Variants in KIAA0825 observed in about 807,000 individuals in gnomAD.
KIAA0825 encodes the protein uncharacterized protein KIAA0825.
In KIAA0825, 119 loss-of-function variants were observed where a neutral mutation model predicts 147.6. That is an observed-to-expected ratio of 0.81 (90% confidence interval 0.69 to 0.94). The LOEUF is 0.94. Among genes scored for constraint, KIAA0825 ranks in the 40% least tolerant of loss-of-function variants. The pLI is 0.00. For missense variants in KIAA0825, 1,381 were observed against 1,472.7 expected, an observed-to-expected ratio of 0.94 and a Z score of 1.02; for synonymous variants, 470 against 518.1, an observed-to-expected ratio of 0.91 and a Z score of 1.26.
intron 1 of KIAA0825, among the ~76,000 whole-genome samples, chr5:94,603,435 T>C (rs554337790): frequency 6.6e-5 from 10 of 151,958 alleles, no homozygotes; most frequent in Non-Finnish European, 1.5e-4. Context: ...GCACTAAATG[T>C]AAAAAGGAAA....
chr5:94,523,377 T>C (rs1266033340), intron 4 of KIAA0825, among the ~76,000 whole-genome samples: 1 of 151,632 alleles, frequency 6.6e-6, no homozygotes, highest in Non-Finnish European at 1.5e-5. Context: ...TTCTCTAGCA[T>C]AGATGGTGGT....
At chr5:94,342,776 C>A (rs1782556678) in intron 20 of KIAA0825, among the ~76,000 whole-genome samples, 1 of 151,552 alleles carries the variant, frequency 6.6e-6, no homozygotes, top group Non-Finnish European at 1.5e-5. Context: ...TTAACCAAGG[C>A]AATAAAGTAA....
intron 20 of KIAA0825, among the ~76,000 whole-genome samples, chr5:94,382,428 T>C (rs1584324156): frequency 6.6e-6 from 1 of 152,188 alleles, no homozygotes; most frequent in Non-Finnish European, 1.5e-5. Flanking sequence ...ACAAAACTCA[T>C]AAATAACCTT....
chr5:94,441,173 A>G (rs1053465074), intron 13 of KIAA0825, among the ~76,000 whole-genome samples: 1 of 148,416 alleles, frequency 6.7e-6, no homozygotes, highest in African/African-American at 2.5e-5. Context: ...GTCTAGACCA[A>G]TGGTTTTCAA....
chr5:94,616,031 G>A (rs920675227), intron 1 of KIAA0825, among the ~76,000 whole-genome samples: 1 of 151,956 alleles, frequency 6.6e-6, no homozygotes, highest in Non-Finnish European at 1.5e-5. Context: ...CATGGTTCCT[G>A]ACTTATTTAT....
chr5:94,207,384 T>C (rs922961461), intron 20 of KIAA0825, among the ~76,000 whole-genome samples: 19 of 152,142 alleles, frequency 1.2e-4, no homozygotes, highest in Non-Finnish European at 2.4e-4. Context: ...TCAGAACTTT[T>C]CCCAGCAGCC....
chr5:94,309,864 G>A (rs866065340), intron 20 of KIAA0825, among the ~76,000 whole-genome samples: 1 of 151,660 alleles, frequency 6.6e-6, no homozygotes, highest in Admixed American at 6.6e-5. Context: ...TTTGTGGACA[G>A]ATATCCGTGG....
At chr5:94,425,349 T>G (rs1443260426) in intron 14 of KIAA0825, among the ~76,000 whole-genome samples, 1 of 152,214 alleles carries the variant, frequency 6.6e-6, no homozygotes, top group Non-Finnish European at 1.5e-5. Flanking sequence ...TCAATAAACC[T>G]GATACATCAC....
intron 14 of KIAA0825, among the ~76,000 whole-genome samples, chr5:94,435,385 A>T (rs934568880): frequency 2.7e-5 from 4 of 147,234 alleles, no homozygotes; most frequent in African/African-American, 1.0e-4. Flanking sequence ...AACATGTGGT[A>T]TTTGGCTTTC....
chr5:94,613,928 C>T (rs887113785), intron 1 of KIAA0825, among the ~76,000 whole-genome samples: 2 of 152,202 alleles, frequency 1.3e-5, no homozygotes, highest in Admixed American at 6.5e-5. Context: ...TATGGCAATA[C>T]ATGTAAGTAT....
intron 20 of KIAA0825, among the ~76,000 whole-genome samples, chr5:94,281,553 T>G (rs1023174092): frequency 2.0e-5 from 3 of 152,024 alleles, no homozygotes; most frequent in Non-Finnish European, 4.4e-5. Flanking sequence ...ATTGGTAGAG[T>G]TAGCTTTAGG....
chr5:94,405,237 G>A lies in KIAA0825; in HGVS notation c.2663-1444C>T, dbSNP rs80245170. ...ATATTTTGGTAATAACAGATGTGGC[G>A]AGATTTCCAAAAAGAAACTTCGTTA... On this transcript the variant is annotated intron_variant, in intron 15 of 20. Coordinates refer to ENST00000682413, the MANE Select transcript of KIAA0825 (RefSeq NM_001145678.3). Among the ~76,000 whole-genome samples the A allele has an allele frequency of 8.8e-3, 1,343 of 152,180 alleles. 25 individuals are homozygous for A. The highest frequency in any genetic ancestry group is 0.031 in the African/African-American group (1,276 of 41,518).
At chr5:94,172,737 G>A (rs1245097724) in intron 20 of KIAA0825, among the ~76,000 whole-genome samples, 4 of 151,776 alleles carry the variant, frequency 2.6e-5, no homozygotes, top group East Asian at 1.9e-4. Flanking sequence ...CTATACTTAC[G>A]GTCTGCTTTT....
At chr5:94,398,691 G>T (rs1382611199) in intron 16 of KIAA0825, among the ~76,000 whole-genome samples, 1 of 152,048 alleles carries the variant, frequency 6.6e-6, no homozygotes, top group African/African-American at 2.4e-5. Context: ...CAGAGCATGG[G>T]AAACAAAGCT....
chr5:94,466,857 GA>G (rs1195536450), intron 10 of KIAA0825, among the ~76,000 whole-genome samples: 1 of 151,112 alleles, frequency 6.6e-6, no homozygotes, highest in Non-Finnish European at 1.5e-5. Flanking sequence ...TTTAAACCAA[GA>G]AAGGAGTTTT....
At chr5:94,427,717 C>T (rs1390893715) in intron 14 of KIAA0825, among the ~76,000 whole-genome samples, 1 of 151,994 alleles carries the variant, frequency 6.6e-6, no homozygotes, top group Non-Finnish European at 1.5e-5. Context: ...TAATTTTCTG[C>T]CTTGATGATA....
At chr5:94,579,650 T>C (rs1430135739) in intron 2 of KIAA0825, among the ~76,000 whole-genome samples, 1 of 152,222 alleles carries the variant, frequency 6.6e-6, no homozygotes, top group East Asian at 1.9e-4. Flanking sequence ...GCTTGGTCTA[T>C]GATATTTAAA....
chr5:94,181,933 G>A (rs1036685575), intron 20 of KIAA0825, among the ~76,000 whole-genome samples: 1 of 152,156 alleles, frequency 6.6e-6, no homozygotes, highest in Non-Finnish European at 1.5e-5. Flanking sequence ...GACACCAGCT[G>A]CAGGAAACTG....
At chr5:94,505,333 C>T (rs1765613662) in intron 5 of KIAA0825, among the ~76,000 whole-genome samples, 1 of 151,078 alleles carries the variant, frequency 6.6e-6, no homozygotes, top group African/African-American at 2.4e-5. Context: ...TGCACTCCAG[C>T]CTGGGTGGCA....
Sources: allele counts gnomAD v4.1 joint callset (sites outside exome capture counted in the v4.1 genomes callset), GRCh38; gene constraint gnomAD v4.1.1; transcripts MANE v1.5; gene names NCBI Gene and HGNC (gene_info 2026-07-23, HGNC 2026-07-21).